Variants in MACROD2 observed in about 807,000 individuals in gnomAD.
MACROD2 encodes mono-ADP ribosylhydrolase 2.
Under a neutral mutation model 70.4 loss-of-function variants are expected in MACROD2, and 36 were observed. That is an observed-to-expected ratio of 0.51 (90% CI 0.39 to 0.68). The LOEUF is 0.68. MACROD2 is among the 30% of genes least tolerant of loss of function. The pLI, the probability that MACROD2 is intolerant of heterozygous loss-of-function variation, is 0.00. For synonymous variants in MACROD2, 172 were observed against 178.8 expected, an observed-to-expected ratio of 0.96 and a Z score of 0.30; for missense variants, 496 against 538.4, an observed-to-expected ratio of 0.92 and a Z score of 0.78.
chr20:14,732,500 G>A (rs1477584741), intron 5 of MACROD2, among the ~76,000 whole-genome samples: 1 of 152,080 alleles, frequency 6.6e-6, no homozygotes. Context: ...TGTCCCTAAG[G>A]CCGTGTAAGT....
rs533516865 is a variant in MACROD2, at chr20:15,810,278, G to T, written c.646-52467G>T. Among the ~76,000 whole-genome samples, 1,183 of 151,542 alleles carry T rather than the reference G, an allele frequency of 7.8e-3. 19 individuals carry two copies. The highest frequency in any genetic ancestry group is 0.027 in the African/African-American group (1,122 of 41,284). ...CCAGTCTATCATTGTTGGACATTTG[G>T]GTTGGTTCCAAGTCTTTGCTATTGT... On this transcript the variant is annotated intron_variant, in intron 8 of 17. Transcript: ENST00000684519.
At chr20:14,829,151 A>C (rs2072935520) in intron 5 of MACROD2, among the ~76,000 whole-genome samples, 1 of 125,994 alleles carries the variant, frequency 7.9e-6, no homozygotes, top group Non-Finnish European at 1.7e-5. Flanking sequence ...TTTTTTTGAG[A>C]CAGAGTCTCA....
At chr20:15,053,872 G>C (rs543774555) in intron 5 of MACROD2, among the ~76,000 whole-genome samples, 3 of 152,344 alleles carry the variant, frequency 2.0e-5, no homozygotes, top group East Asian at 1.9e-4. Flanking sequence ...TGTGGTTTAT[G>C]GGAGGAGGAC....
intron 7 of MACROD2, among the ~76,000 whole-genome samples, chr20:15,478,515 G>A (rs533112130): frequency 6.6e-6 from 1 of 151,956 alleles, no homozygotes. Flanking sequence ...GTGTAAGTAC[G>A]TGTATGCATG....
intron 8 of MACROD2, among the ~76,000 whole-genome samples, chr20:15,742,279 T>G (rs2051117430): frequency 6.6e-6 from 1 of 152,178 alleles, no homozygotes; most frequent in African/African-American, 2.4e-5. Context: ...TTTATTCTTA[T>G]GCTGTGAGAT....
chr20:15,765,144 T>G (rs2055598749), intron 8 of MACROD2, among the ~76,000 whole-genome samples: 1 of 152,146 alleles, frequency 6.6e-6, no homozygotes, highest in Non-Finnish European at 1.5e-5. Context: ...CTCTATAGGC[T>G]CTTACCCCTT....
intron 6 of MACROD2, among the ~76,000 whole-genome samples, chr20:15,309,475 T>C (rs948428025): frequency 9.9e-5 from 15 of 152,208 alleles, no homozygotes; most frequent in Admixed American, 3.3e-4. Context: ...GAGAAATTTC[T>C]TCCTCTAATT....
intron 5 of MACROD2, among the ~76,000 whole-genome samples, chr20:15,113,970 G>A (rs1440299384): frequency 6.6e-6 from 1 of 152,072 alleles, no homozygotes; most frequent in Non-Finnish European, 1.5e-5. Flanking sequence ...GCATAAGAAG[G>A]CCACAGCTAT....
chr20:15,550,880 A>G (rs937177308), intron 8 of MACROD2, among the ~76,000 whole-genome samples: 3 of 152,226 alleles, frequency 2.0e-5, no homozygotes, highest in African/African-American at 4.8e-5. Flanking sequence ...GCTATTAAAT[A>G]TCAGAATCTT....
chr20:15,387,168 A>C (rs1028636625), intron 6 of MACROD2, among the ~76,000 whole-genome samples: 7 of 152,224 alleles, frequency 4.6e-5, no homozygotes, highest in African/African-American at 1.7e-4. Flanking sequence ...GAATGCAGGC[A>C]TATCTCATAA....
chr20:14,057,929 T>C (rs2053649358), intron 2 of MACROD2, among the ~76,000 whole-genome samples: 1 of 152,078 alleles, frequency 6.6e-6, no homozygotes, highest in South Asian at 2.1e-4. Flanking sequence ...ACACAAATAC[T>C]TACCGTGTAT....
intron 4 of MACROD2, among the ~76,000 whole-genome samples, chr20:14,541,291 G>T (rs2085428696): frequency 6.6e-6 from 1 of 152,112 alleles, no homozygotes; most frequent in Admixed American, 6.5e-5. Flanking sequence ...CTTCCCATTT[G>T]GTCTGGCAAG....
chr20:14,657,973 T>TAA (rs71753036), intron 4 of MACROD2, among the ~76,000 whole-genome samples: 2 of 134,904 alleles, frequency 1.5e-5, no homozygotes. Context: ...TGGACATAGT[T>TAA]AAAAAAAAAA....
At chr20:15,729,623 C>T (rs922952183) in intron 8 of MACROD2, among the ~76,000 whole-genome samples, 6 of 151,816 alleles carry the variant, frequency 4.0e-5, no homozygotes, top group South Asian at 2.1e-4. Flanking sequence ...AACTGATGTT[C>T]GTTGTTTATT....
chr20:15,431,283 C>A (rs1283857843), intron 6 of MACROD2, 122 bp from the exon 7 acceptor site: 5 of 824,596 alleles, frequency 6.1e-6, no homozygotes, highest in African/African-American at 5.1e-5. Flanking sequence ...TACTCCAACT[C>A]ATAGCTCTGA....
At chr20:14,848,430 G>T (rs1300320044) in intron 5 of MACROD2, among the ~76,000 whole-genome samples, 1 of 152,140 alleles carries the variant, frequency 6.6e-6, no homozygotes, top group Admixed American at 6.5e-5. Flanking sequence ...ATATGGGTGA[G>T]AAAGTTGGCC....
intron 5 of MACROD2, among the ~76,000 whole-genome samples, chr20:14,988,181 T>C (rs1019170090): frequency 6.6e-6 from 1 of 151,896 alleles, no homozygotes; most frequent in African/African-American, 2.4e-5. Context: ...CTGGGCAACA[T>C]GGCGAAATCC....
At chr20:15,467,447 T>A (rs1884706) in intron 7 of MACROD2, among the ~76,000 whole-genome samples, 4 of 151,998 alleles carry the variant, frequency 2.6e-5, no homozygotes, top group Admixed American at 2.6e-4. Flanking sequence ...ATACATTATC[T>A]CAGTTAATCT....
chr20:15,869,917 C>A (rs534060140), intron 9 of MACROD2, among the ~76,000 whole-genome samples: 5 of 152,138 alleles, frequency 3.3e-5, no homozygotes, highest in African/African-American at 1.2e-4. Context: ...ATTTAGGTTA[C>A]ATGTATTTTA....
Sources: allele counts gnomAD v4.1 joint callset (sites outside exome capture counted in the v4.1 genomes callset), GRCh38; gene constraint gnomAD v4.1.1; transcripts MANE v1.5; gene names NCBI Gene and HGNC (gene_info 2026-07-23, HGNC 2026-07-21).